TMEM114: variants seen among roughly 807,000 people sequenced by gnomAD.
TMEM114 encodes transmembrane protein 114.
Under a neutral mutation model 6.2 loss-of-function variants are expected in TMEM114, and 6 were observed. The observed-to-expected ratio is 0.97, with a 90% CI of 0.53 to 1.91. The LOEUF is 1.91. TMEM114 is among the 40% of genes most tolerant of loss of function. The pLI, the probability that TMEM114 is intolerant of heterozygous loss-of-function variation, is 0.01. For synonymous variants in TMEM114, 104 were observed against 73.0 expected, an observed-to-expected ratio of 1.42 and a Z score of -2.16; for missense variants, 218 against 158.3, an observed-to-expected ratio of 1.38 and a Z score of -2.02.
At chr16:8,578,730 G>A (rs1022348279) in intron 2 of TMEM114, among the ~76,000 whole-genome samples, 9 of 152,146 alleles carry the variant, frequency 5.9e-5, no homozygotes, top group Non-Finnish European at 1.0e-4. Flanking sequence ...TGTAATCCCG[G>A]CACTTTGAGA....
intron 2 of TMEM114, among the ~76,000 whole-genome samples, chr16:8,544,393 G>C (rs138085228): frequency 1.3e-3 from 196 of 152,298 alleles, no homozygotes; most frequent in African/African-American, 4.6e-3. Context: ...CTCATTCAAG[G>C]AATGCCTTGT....
At chr16:8,575,299 T>C (rs1901882401) in intron 2 of TMEM114, among the ~76,000 whole-genome samples, 1 of 152,048 alleles carries the variant, frequency 6.6e-6, no homozygotes, top group Non-Finnish European at 1.5e-5. Flanking sequence ...ATATTAAGAG[T>C]GTCTGCTGTG....
the TMEM114 span, among the ~76,000 whole-genome samples, chr16:8,530,788 C>G: frequency 1.3e-5 from 2 of 152,090 alleles, no homozygotes; most frequent in South Asian, 4.2e-4. Context: ...CTTTGGGAGG[C>G]CGAGTCAGAT....
chr16:8,555,287 T>C (rs1351557749), intron 2 of TMEM114, among the ~76,000 whole-genome samples: 1 of 152,144 alleles, frequency 6.6e-6, no homozygotes, highest in East Asian at 1.9e-4. Flanking sequence ...AAAACAGCTG[T>C]ATTGAGGAGG....
intron 2 of TMEM114, among the ~76,000 whole-genome samples, chr16:8,561,930 G>C (rs1227907574): frequency 6.6e-6 from 1 of 151,178 alleles, no homozygotes; most frequent in African/African-American, 2.4e-5. Flanking sequence ...GTGAATGAGT[G>C]AGTGAGTAAG....
At chr16:8,550,011 C>T (rs932779150) in intron 2 of TMEM114, among the ~76,000 whole-genome samples, 10 of 152,162 alleles carry the variant, frequency 6.6e-5, no homozygotes, top group Admixed American at 5.9e-4. Context: ...GGCCCAAGAT[C>T]CCCTGGCAAA....
At chr16:8,534,942 C>T (rs1258653664), downstream of TMEM114, among the ~76,000 whole-genome samples, 1 of 152,182 alleles carries the variant, frequency 6.6e-6, no homozygotes, top group African/African-American at 2.4e-5. Flanking sequence ...TGTGCAAGTT[C>T]AGAGAACAGC....
intron 2 of TMEM114, among the ~76,000 whole-genome samples, chr16:8,561,824 ATGAG>A (rs1178390490): frequency 2.2e-5 from 2 of 89,116 alleles, no homozygotes; most frequent in East Asian, 2.6e-4. Context: ...GAGGGAGTGA[ATGAG>A]TGAGTGAATG....
downstream of TMEM114, among the ~76,000 whole-genome samples, chr16:8,537,416 G>A (rs149821749): frequency 4.6e-3 from 702 of 152,196 alleles, 6 homozygotes; most frequent in African/African-American, 0.016. Context: ...CAGAAGAATG[G>A]CTTGAACCCG....
chr16:8,581,293 T>C (rs1450823195), intron 2 of TMEM114, among the ~76,000 whole-genome samples: 3 of 152,224 alleles, frequency 2.0e-5, no homozygotes, highest in African/African-American at 7.2e-5. Context: ...AGTATATTCT[T>C]TTTACAGGCT....
At chr16:8,562,936 ATTAG>A (rs1567202573) in intron 2 of TMEM114, among the ~76,000 whole-genome samples, 3,588 of 71,378 alleles carry the variant, frequency 0.05, 423 homozygotes, top group Middle Eastern at 0.098. Context: ...GAGTGAGTGA[ATTAG>A]TGAGTAAATG....
intron 3 of TMEM114, 42 bp from the exon 4 acceptor site, chr16:8,570,047 C>A (rs1456451722): frequency 1.3e-6 from 2 of 1,516,930 alleles, no homozygotes; most frequent in Admixed American, 2.0e-5. Context: ...TCCCCCACCC[C>A]GCCCCAGCAC....
At chr16:8,531,682 C>T in the TMEM114 span, among the ~76,000 whole-genome samples, 1 of 152,156 alleles carries the variant, frequency 6.6e-6, no homozygotes, top group Admixed American at 6.5e-5. Flanking sequence ...ATGAAGTGAC[C>T]AGTGTAACAT....
chr16:8,535,323 C>A (rs979984736), downstream of TMEM114, among the ~76,000 whole-genome samples: 2 of 152,016 alleles, frequency 1.3e-5, no homozygotes, highest in Admixed American at 6.6e-5. Flanking sequence ...ATTCCTCTAG[C>A]CCTGAGATAG....
chr16:8,561,752 A>G (rs1050906052), intron 2 of TMEM114, among the ~76,000 whole-genome samples: 10 of 152,222 alleles, frequency 6.6e-5, no homozygotes, highest in Non-Finnish European at 1.3e-4. Flanking sequence ...TGGGGGAATG[A>G]ATGAATGAAT....
In TMEM114 at chr16:8,562,060, GTGAGTAAATGAGTGAGTGAATGAA is replaced by G. The variant is rs1454908829; in HGVS notation, n.213-24258_213-24235del. On this transcript the variant is annotated intron_variant and non_coding_transcript_variant, in intron 2 of 2. Coordinates refer to the TMEM114 transcript ENST00000623677. ...AGTAAATGAGTGAGTGAGTGAATGAGTGAGTAAATGAGTGAGTGAATGAATGAGTGAGTGAGTGAATGAGTGAGC... is the reference window on the plus strand; with the variant it reads ...AGTAAATGAGTGAGTGAGTGAATGAGTGAGTGAGTGAGTGAATGAGTGAGC... Among the ~76,000 whole-genome samples the G allele has an allele frequency of 4.0e-5, 6 of 151,292 alleles. No homozygotes were observed. The South Asian group carries it at 8.4e-4, about 21-fold the overall frequency.
At chr16:8,572,047 C>A (rs1345670697) in intron 3 of TMEM114, 40 bp downstream of exon 3, 1 of 1,488,970 alleles carries the variant, frequency 6.7e-7, no homozygotes, top group East Asian at 2.5e-5. Context: ...GCCCAACCCC[C>A]AGACCACAAG....
chr16:8,576,704 C>CAGTAAGGAAGGA (rs1187855125), intron 2 of TMEM114, among the ~76,000 whole-genome samples: 1 of 129,358 alleles, frequency 7.7e-6, no homozygotes, highest in African/African-American at 3.0e-5. Flanking sequence ...TGAATGAGAG[C>CAGTAAGGAAGGA]AGGAAGGAAG....
the TMEM114 span, among the ~76,000 whole-genome samples, chr16:8,527,122 G>C: frequency 9.2e-5 from 14 of 152,218 alleles, no homozygotes; most frequent in Non-Finnish European, 7.3e-5. Context: ...CAGGAGAATT[G>C]CTTGAACCCG....
Sources: gnomAD v4.1 joint callset for allele counts (sites outside exome capture counted in the v4.1 genomes callset) on GRCh38, gnomAD v4.1.1 for gene constraint, MANE v1.5 for transcripts, NCBI Gene and HGNC (gene_info 2026-07-23, HGNC 2026-07-21) for gene names.